Variants in CHMP4B observed in about 807,000 individuals in gnomAD.
CHMP4B encodes the protein SNF7 homolog associated with Alix 1.
CHMP4B carries 1 observed loss-of-function variant against 25.1 expected under a neutral mutation model. The observed-to-expected ratio is 0.04, with a 90% CI of 0.01 to 0.19. The LOEUF is 0.19. Ranked by LOEUF, CHMP4B falls within the 10% of genes least tolerant of loss-of-function variation. The probability of loss-of-function intolerance (pLI) is 1.00; values close to 1 mark genes in which losing one functional copy is unlikely to be tolerated. For missense variants in CHMP4B, 151 were observed against 289.7 expected (o/e 0.52, Z 3.48); for synonymous variants, 101 against 115.6 (o/e 0.87, Z 0.81).
chr20:33,828,616 CTGCATCAGGGTT>C (rs921327938), intron 1 of CHMP4B, among the ~76,000 whole-genome samples: 1 of 152,174 alleles, frequency 6.6e-6, no homozygotes, highest in Non-Finnish European at 1.5e-5. Context: ...CTGTCTTTCC[CTGCATCAGGGTT>C]TCCTCCATGC....
chr20:33,853,639 C>T lies in CHMP4B; in HGVS notation c.*79C>T. On this transcript the variant is annotated 3_prime_UTR_variant, in exon 5 of 5. Transcript: ENST00000217402. ...CAGGCGTGTGCGTGTGTGGGGCAGG[C>T]AGGATGTGGTGCAGGCAGGTTCCAT... The T allele has an allele frequency of 7.7e-7, 1 of 1,301,552 alleles. No individual in the cohort carries two copies. Among genetic ancestry groups the T allele is most frequent in the Non-Finnish European group, 1.1e-6 (1 of 897,342 alleles). The allele number at this position is 1,301,552 out of a possible 1,614,324, so 80.6% of individuals were successfully genotyped here. A position where few individuals can be genotyped will look rare whatever the true frequency, so the allele number is the denominator to read the frequency against.
intron 1 of CHMP4B, among the ~76,000 whole-genome samples, chr20:33,840,293 A>G (rs1427445542): frequency 6.6e-6 from 1 of 151,740 alleles, no homozygotes; most frequent in Non-Finnish European, 1.5e-5. Flanking sequence ...AGATGCAGAG[A>G]TCCCCAGAGA....
chr20:33,848,531 A>G lies in CHMP4B; in HGVS notation c.255A>G (p.Thr85=), dbSNP rs1035534711. 5 of 1,614,124 alleles carry G rather than the reference A, an allele frequency of 3.1e-6. No homozygotes were observed. Among genetic ancestry groups the G allele is most frequent in the Admixed American group, 3.3e-5 (2 of 60,008 alleles). ...AGCAGCTGGCGCAGATCGACGGCAC[A>G]TTATCAACCATCGAGTTCCAGCGGG... ...YEKQLAQIDG[T]LSTIEFQREA... is the part of the protein sequence containing the mutation. The change falls in exon 2 of 5, where the codon ACA becomes ACG. Residue 85 remains threonine (T), a synonymous_variant. Transcript: ENST00000217402.
chr20:33,820,762 T>C (rs932626052), intron 1 of CHMP4B, among the ~76,000 whole-genome samples: 6 of 152,190 alleles, frequency 3.9e-5, no homozygotes, highest in African/African-American at 1.4e-4. Context: ...ACTCAAAATG[T>C]ATGAGTGCTT....
At chr20:33,824,481 G>T (rs962048111) in intron 1 of CHMP4B, among the ~76,000 whole-genome samples, 4 of 152,214 alleles carry the variant, frequency 2.6e-5, no homozygotes, top group African/African-American at 9.6e-5. Flanking sequence ...TACACAGTGG[G>T]ACTAGTGCCA....
chr20:33,817,527 C>A (rs1228372946), intron 1 of CHMP4B, among the ~76,000 whole-genome samples: 1 of 152,050 alleles, frequency 6.6e-6, no homozygotes, highest in Non-Finnish European at 1.5e-5. Flanking sequence ...GAGTGTGGAG[C>A]GAGGTCTTGG....
intron 1 of CHMP4B, among the ~76,000 whole-genome samples, chr20:33,820,113 G>T (rs1978894926): frequency 6.6e-6 from 1 of 152,050 alleles, no homozygotes; most frequent in Non-Finnish European, 1.5e-5. Flanking sequence ...GAGAGCCGGA[G>T]CTTGCAGTGA....
intron 1 of CHMP4B, among the ~76,000 whole-genome samples, chr20:33,824,489 C>T (rs1429207030): frequency 6.6e-6 from 1 of 152,172 alleles, no homozygotes; most frequent in Non-Finnish European, 1.5e-5. Context: ...GGGACTAGTG[C>T]CAAGGAGACG....
intron 1 of CHMP4B, among the ~76,000 whole-genome samples, chr20:33,817,832 A>T (rs1310755263): frequency 1.3e-5 from 2 of 152,228 alleles, no homozygotes. Flanking sequence ...TGAGCATAGC[A>T]ATGGGAAACT....
intron 2 of CHMP4B, 126 bp from the exon 3 acceptor site, chr20:33,850,826 G>A: frequency 2.7e-6 from 2 of 729,584 alleles, no homozygotes; most frequent in Non-Finnish European, 5.0e-6. Context: ...CTCACAGGGA[G>A]TCATTGCAGG....
Position 33,853,828 on chromosome 20 carries a change from T to G in CHMP4B, c.*268T>G. 1.9e-6 allele frequency: 1 copy of G among 516,852 alleles called. No homozygotes were observed. 32.0% of individuals were successfully genotyped at this position (516,852 alleles called of 1,614,324 possible). A position where few individuals can be genotyped will look rare whatever the true frequency, so the allele number is the denominator to read the frequency against. On this transcript the variant is annotated 3_prime_UTR_variant, in exon 5 of 5. Transcript: ENST00000217402. ...CTGTAAAATAAACTGTATTTGCAAA[T>G]CCAACATTGAGCTTCTGGACTACGC...
At chr20:33,848,702 C>T (rs1474831559) in intron 2 of CHMP4B, 58 bp downstream of exon 2, 6 of 1,581,422 alleles carry the variant, frequency 3.8e-6, no homozygotes, top group Non-Finnish European at 4.3e-6. Context: ...ATGCCTCGTA[C>T]CCAGGCCATG....
At chr20:33,832,218 G>C (rs925502966) in intron 1 of CHMP4B, among the ~76,000 whole-genome samples, 3 of 152,134 alleles carry the variant, frequency 2.0e-5, no homozygotes, top group Non-Finnish European at 4.4e-5. Flanking sequence ...GGGGGCCCTT[G>C]TTGGCATGGA....
At chr20:33,835,707 G>A (rs540768201) in intron 1 of CHMP4B, among the ~76,000 whole-genome samples, 1 of 152,202 alleles carries the variant, frequency 6.6e-6, no homozygotes. Flanking sequence ...CCAGAGGCTG[G>A]GGTATGTATA....
At chr20:33,851,151 A>T in intron 3 of CHMP4B, 85 bp downstream of exon 3, 1 of 889,488 alleles carries the variant, frequency 1.1e-6, no homozygotes, top group Non-Finnish European at 1.9e-6. Context: ...GCTCTCAGGC[A>T]GGGAGCATTT....
chr20:33,831,238 G>C (rs1464705381), intron 1 of CHMP4B, among the ~76,000 whole-genome samples: 1 of 152,016 alleles, frequency 6.6e-6, no homozygotes, highest in East Asian at 1.9e-4. Flanking sequence ...AGGATTACAG[G>C]CACGTACCAC....
At chr20:33,831,737 T>C (rs1217016059) in intron 1 of CHMP4B, among the ~76,000 whole-genome samples, 1 of 152,252 alleles carries the variant, frequency 6.6e-6, no homozygotes, top group African/African-American at 2.4e-5. Context: ...GAGTTTGTTC[T>C]TTAATTTTAT....
chr20:33,852,352 A>G lies in CHMP4B; in HGVS notation c.610+149A>G, dbSNP rs569457622. On this transcript the variant is annotated intron_variant, in intron 4 of 4. Transcript: ENST00000217402. The stretch of plus-strand genomic sequence containing the variant: ...GAGCTTGCCCAAGATTGAGAACCAG[A>G]CAGGATCCATTGTAGTGGCCACAGA... The G allele has an allele frequency of 1.9e-5, 19 of 982,592 alleles. No individual in the cohort carries two copies. In the African/African-American group the frequency reaches 2.6e-4, roughly 13 times the overall value. 60.9% of individuals were successfully genotyped at this position (982,592 alleles called of 1,614,324 possible).
intron 1 of CHMP4B, among the ~76,000 whole-genome samples, chr20:33,844,079 A>G (rs764515147): frequency 5.3e-5 from 8 of 152,164 alleles, no homozygotes; most frequent in Non-Finnish European, 1.2e-4. Context: ...CTGGGGGGAT[A>G]CCCCGGGACT....
Sources: allele counts gnomAD v4.1 joint callset (sites outside exome capture counted in the v4.1 genomes callset), GRCh38; gene constraint gnomAD v4.1.1; transcripts MANE v1.5; gene names NCBI Gene and HGNC (gene_info 2026-07-23, HGNC 2026-07-21).